The following HEG1 variants were observed in gnomAD, a reference collection of about 807,000 sequenced individuals.
HEG1 encodes protein HEG homolog 1.
In HEG1, 56 loss-of-function variants were observed where a neutral mutation model predicts 125.6. The ratio of observed to expected loss-of-function variants is 0.45; its 90% confidence interval spans 0.36 to 0.56. HEG1 has a LOEUF of 0.56. Among genes scored for constraint, HEG1 ranks in the 20% least tolerant of loss-of-function variants. The pLI, the probability that HEG1 is intolerant of heterozygous loss-of-function variation, is 0.00. For missense variants in HEG1, 1,523 were observed against 1,670.0 expected (o/e 0.91, Z 1.53); for synonymous variants, 644 against 668.5 (o/e 0.96, Z 0.57).
Position 124,967,699 on chromosome 3 carries a change from T to C in HEG1, c.*2953A>G, listed in dbSNP as rs1936342884. The C allele has an allele frequency of 6.6e-6, 1 of 152,088 alleles. No individual in the cohort carries two copies. The highest frequency in any genetic ancestry group is 1.5e-5 in the Non-Finnish European group (1 of 68,044). The allele number at this position is 152,088 out of a possible 1,614,324, so 9.4% of individuals were successfully genotyped here. Reference sequence around the variant, plus strand: ...TCAGTCCTGCTTCTACAGGGCAAGCTATTTATCCTCTCTGAAGGTTTCTGT... The same window carrying C: ...TCAGTCCTGCTTCTACAGGGCAAGCCATTTATCCTCTCTGAAGGTTTCTGT... On this transcript the variant is annotated 3_prime_UTR_variant, in exon 17 of 17. Coordinates refer to ENST00000311127, the MANE Select transcript of HEG1 (RefSeq NM_020733.2).
At chr3:125,047,776 C>T (rs1468548595) in intron 1 of HEG1, among the ~76,000 whole-genome samples, 1 of 152,180 alleles carries the variant, frequency 6.6e-6, no homozygotes, top group African/African-American at 2.4e-5. Flanking sequence ...AGGAACCTCC[C>T]TCCAGATGAC....
chr3:125,019,264 G>A lies in HEG1; in HGVS notation c.1586C>T (p.Ser529Leu), dbSNP rs1358606206. 5 of 1,604,428 alleles carry A rather than the reference G, an allele frequency of 3.1e-6. No homozygotes were observed. The African/African-American group carries it at 4.0e-5, about 13-fold the overall frequency. The stretch of plus-strand genomic sequence containing the variant: ...TTGCATGAAATGGAAAAACTCACTC[G>A]AACGTTCTCCACGTGGTGCTGATGA... The part of the protein sequence containing the change: ...LNSSAPRGER[S>L]IAGISYGQVR... Residue 529 changes from serine to leucine, a missense_variant and splice_region_variant, in exon 5 of 17, where the codon TCG becomes TTG. Coordinates refer to ENST00000311127, the MANE Select transcript of HEG1 (RefSeq NM_020733.2).
In HEG1 at chr3:125,021,083, A is replaced by C; in HGVS notation, c.961T>G (p.Ser321Ala). Residue 321 changes from serine to alanine, a missense_variant, in exon 4 of 17, where the codon TCC becomes GCC. Transcript: ENST00000311127. ...KLNNSTGLQS[S>A]SVSQTKTMHV... is the part of the protein sequence containing the mutation. ...ATTGTCTTTGTTTGACTGACTGAGGAGCTCTGGAGGCCAGTGGAGTTGTTA... is the reference window on the plus strand; with the variant it reads ...ATTGTCTTTGTTTGACTGACTGAGGCGCTCTGGAGGCCAGTGGAGTTGTTA... The C allele has an allele frequency of 6.3e-7, 1 of 1,599,116 alleles. No individual in the cohort carries two copies. Among genetic ancestry groups the C allele is most frequent in the African/African-American group, 1.3e-5 (1 of 74,838 alleles).
chr3:125,052,744 C>T (rs752898351), intron 1 of HEG1, among the ~76,000 whole-genome samples: 10 of 152,228 alleles, frequency 6.6e-5, no homozygotes, highest in Non-Finnish European at 1.3e-4. Flanking sequence ...ATCAGCTGAA[C>T]AGCCAGCAGG....
At chr3:125,029,958 A>C (rs773559599) in intron 1 of HEG1, among the ~76,000 whole-genome samples, 1 of 152,216 alleles carries the variant, frequency 6.6e-6, no homozygotes, top group Non-Finnish European at 1.5e-5. Flanking sequence ...AGAGGAAGGA[A>C]TTATGAAGCA....
At chr3:125,035,363 T>C (rs113335698) in intron 1 of HEG1, among the ~76,000 whole-genome samples, 44 of 152,146 alleles carry the variant, frequency 2.9e-4, no homozygotes, top group African/African-American at 9.4e-4. Context: ...ACCTCTATCA[T>C]AGTGAAACTG....
rs572043902 is a variant in HEG1, at chr3:125,014,706, A to C, written c.1589-716T>G. The C allele has an allele frequency of 1.0e-4, 125 of 1,254,118 alleles. 2 individuals carry two copies. In the South Asian group the frequency reaches 1.6e-3, roughly 16 times the overall value. 77.7% of individuals were successfully genotyped at this position (1,254,118 alleles called of 1,614,324 possible). On this transcript the variant is annotated intron_variant, in intron 5 of 16. Transcript: ENST00000311127. ...TGTGTTAAAAGAGACTGTGGAAGACACCCCACCTCCGAGTGCACTGGAGGC... is the reference window on the plus strand; with the variant it reads ...TGTGTTAAAAGAGACTGTGGAAGACCCCCCACCTCCGAGTGCACTGGAGGC...
chr3:124,987,130 G>A (rs1027597538), intron 14 of HEG1, among the ~76,000 whole-genome samples: 1 of 152,192 alleles, frequency 6.6e-6, no homozygotes, highest in Non-Finnish European at 1.5e-5. Context: ...GCTTGAGCCT[G>A]AGAGGTTGAG....
chr3:125,047,668 T>G (rs901717335), intron 1 of HEG1, among the ~76,000 whole-genome samples: 1 of 152,200 alleles, frequency 6.6e-6, no homozygotes, highest in Non-Finnish European at 1.5e-5. Flanking sequence ...CGTCCCCAAG[T>G]TGAAGCTGTT....
intron 1 of HEG1, among the ~76,000 whole-genome samples, chr3:125,042,035 C>T (rs145263451): frequency 3.3e-5 from 5 of 152,320 alleles, no homozygotes; most frequent in African/African-American, 1.2e-4. Context: ...ATGATTGCAA[C>T]AACATTGTGA....
At chr3:125,036,027 A>G (rs1428915130) in intron 1 of HEG1, among the ~76,000 whole-genome samples, 2 of 151,606 alleles carry the variant, frequency 1.3e-5, no homozygotes, top group Non-Finnish European at 2.9e-5. Context: ...CTGGGCCTCA[A>G]GTAGAGATTC....
chr3:124,983,301 C>G (rs145187975), intron 14 of HEG1, among the ~76,000 whole-genome samples: 448 of 152,154 alleles, frequency 2.9e-3, no homozygotes, highest in Non-Finnish European at 4.4e-3. Context: ...CCTCACTGAG[C>G]TCACTTGTGA....
intron 1 of HEG1, 65 bp downstream of exon 1, chr3:125,055,510 G>T: frequency 9.3e-7 from 1 of 1,078,858 alleles, no homozygotes; most frequent in Non-Finnish European, 1.1e-6. Flanking sequence ...TGGGGATGCA[G>T]CCCGGGGCGC....
In HEG1 at chr3:125,055,562, G is replaced by T; in HGVS notation, c.316+13C>A. 1 of 1,202,388 alleles carries T rather than the reference G, an allele frequency of 8.3e-7. No individual in the cohort carries two copies. The highest frequency in any genetic ancestry group is 1.0e-6 in the Non-Finnish European group (1 of 968,340). The allele number at this position is 1,202,388 out of a possible 1,614,324, so 74.5% of individuals were successfully genotyped here. The stretch of plus-strand genomic sequence containing the variant: ...CAGACTGGCCAGGCGCCAGGTTCCC[G>T]GCTCTCACTCACCCGCGCTCCCGCC... On this transcript the variant is annotated intron_variant, in intron 1 of 16. Coordinates refer to ENST00000311127, the MANE Select transcript of HEG1 (RefSeq NM_020733.2).
chr3:125,014,039 T>G (rs1224501689), intron 5 of HEG1, 49 bp from the exon 6 acceptor site: 2 of 1,472,038 alleles, frequency 1.4e-6, no homozygotes, highest in Non-Finnish European at 9.1e-7. Flanking sequence ...ACAACAAAAC[T>G]CTGAAATATG....
At chr3:125,047,634 C>T (rs931323182) in intron 1 of HEG1, among the ~76,000 whole-genome samples, 3 of 152,176 alleles carry the variant, frequency 2.0e-5, no homozygotes, top group African/African-American at 4.8e-5. Context: ...TCCTAGTGGC[C>T]AGGGAGGTTG....
rs370328007 is a variant in HEG1 at position 125,046,396 on chromosome 3, C to T, written c.316+9179G>A. On this transcript the variant is annotated intron_variant, in intron 1 of 16. Coordinates refer to ENST00000311127, the MANE Select transcript of HEG1 (RefSeq NM_020733.2). Reference sequence around the variant, plus strand: ...ATGTATATGTATATATATATATACACATACACACACACACACACACACACA... The same window carrying T: ...ATGTATATGTATATATATATATACATATACACACACACACACACACACACA... Among the ~76,000 whole-genome samples, 8 of 76,946 alleles carry T rather than the reference C, an allele frequency of 1.0e-4. No homozygotes were observed. The Admixed American group carries it at 1.1e-3, about 10-fold the overall frequency. 50.5% of individuals were successfully genotyped at this position (76,946 alleles called of 152,430 possible).
intron 8 of HEG1, among the ~76,000 whole-genome samples, chr3:125,007,791 A>T (rs1025940026): frequency 1.3e-5 from 2 of 152,224 alleles, no homozygotes; most frequent in Admixed American, 1.3e-4. Flanking sequence ...TTTCCCCACA[A>T]TCCTTAAAAA....
At position 125,013,280 on chromosome 3, in the gene HEG1, T is replaced by G. The variant is rs1228537078; in HGVS notation, c.2299A>C (p.Met767Leu). The G allele has an allele frequency of 6.2e-7, 1 of 1,613,924 alleles. No individual in the cohort carries two copies. The highest frequency in any genetic ancestry group is 8.5e-7 in the Non-Finnish European group (1 of 1,179,906). ...SFQTSTMTSF[M>L]TMLHSSQTAD... Reference sequence around the variant, plus strand: ...GTTTGACTACTATGGAGCATTGTCATGAATGATGTCATTGTTGATGTCTGA... The same window carrying G: ...GTTTGACTACTATGGAGCATTGTCAGGAATGATGTCATTGTTGATGTCTGA... The change falls in exon 6 of 17, where the codon ATG (methionine) becomes CTG (leucine). Residue 767 changes from methionine to leucine, a missense_variant. Coordinates refer to ENST00000311127, the MANE Select transcript of HEG1 (RefSeq NM_020733.2).
Sources: gnomAD v4.1 joint callset for allele counts (sites outside exome capture counted in the v4.1 genomes callset) on GRCh38, gnomAD v4.1.1 for gene constraint, MANE v1.5 for transcripts, NCBI Gene and HGNC (gene_info 2026-07-23, HGNC 2026-07-21) for gene names.